PALM2AKAP2: variants seen among roughly 807,000 people sequenced by gnomAD.
PALM2AKAP2 encodes PALM2 and AKAP2 fusion, also known as PALM2-AKAP2 fusion protein.
A neutral mutation model predicts 71.5 loss-of-function variants in PALM2AKAP2; 37 were observed. The observed-to-expected ratio is 0.52, with a 90% confidence interval of 0.40 to 0.68. The LOEUF is 0.68. Among genes scored for constraint, PALM2AKAP2 ranks in the 30% least tolerant of loss-of-function variants. PALM2AKAP2 has a pLI of 0.00. For missense variants in PALM2AKAP2, 1,224 were observed against 1,191.8 expected (o/e 1.03, Z -0.40); for synonymous variants, 468 against 478.8 (o/e 0.98, Z 0.29).
intron 1 of PALM2AKAP2, among the ~76,000 whole-genome samples, chr9:109,818,678 T>G (rs185871230): frequency 5.6e-4 from 86 of 152,314 alleles, no homozygotes; most frequent in African/African-American, 2.0e-3. Context: ...CAGGCTGAAC[T>G]CAAACTCCTG....
chr9:110,167,026 C>A (rs572605967), intron 3 of PALM2AKAP2, among the ~76,000 whole-genome samples: 1 of 152,214 alleles, frequency 6.6e-6, no homozygotes, highest in Non-Finnish European at 1.5e-5. Flanking sequence ...AAAGGCACGT[C>A]TTACATGGCA....
chr9:110,044,112 T>C (rs1209259197), upstream of PALM2AKAP2, among the ~76,000 whole-genome samples: 1 of 150,770 alleles, frequency 6.6e-6, no homozygotes, highest in African/African-American at 2.5e-5. Context: ...AGTAACTCAT[T>C]GTCATATATG....
intron 6 of PALM2AKAP2, among the ~76,000 whole-genome samples, chr9:110,009,131 C>T (rs1230614103): frequency 1.3e-5 from 2 of 152,170 alleles, no homozygotes; most frequent in Non-Finnish European, 2.9e-5. Flanking sequence ...CATTCGGGTC[C>T]ATTCAGACTT....
intron 1 of PALM2AKAP2, among the ~76,000 whole-genome samples, chr9:109,844,961 A>ATGTGTGTGTGTGTGTG (rs1554720024): frequency 2.0e-5 from 2 of 100,390 alleles, no homozygotes; most frequent in East Asian, 4.8e-4. Flanking sequence ...GTGTGTGTGC[A>ATGTGTGTGTGTGTGTG]TGTGCACACA....
chr9:109,779,691 C>G (rs1334059713), upstream of PALM2AKAP2, among the ~76,000 whole-genome samples: 1 of 152,216 alleles, frequency 6.6e-6, no homozygotes, highest in African/African-American at 2.4e-5. Context: ...TGGAGATATA[C>G]CCTACCCTCG....
At chr9:109,904,517 A>G (rs1830401422) in intron 3 of PALM2AKAP2, among the ~76,000 whole-genome samples, 1 of 152,214 alleles carries the variant, frequency 6.6e-6, no homozygotes, top group African/African-American at 2.4e-5. Context: ...GAGACGTCTC[A>G]TACCGAGATG....
intron 6 of PALM2AKAP2, among the ~76,000 whole-genome samples, chr9:109,939,056 T>C (rs1210341182): frequency 6.6e-6 from 1 of 151,876 alleles, no homozygotes; most frequent in African/African-American, 2.4e-5. Context: ...AAAAAATAAA[T>C]AAAAGGGACC....
At chr9:109,752,357 C>G (rs1050805784) in intron 1 of PALM2AKAP2, among the ~76,000 whole-genome samples, 1 of 152,108 alleles carries the variant, frequency 6.6e-6, no homozygotes, top group Non-Finnish European at 1.5e-5. Flanking sequence ...GGGAATCTTG[C>G]TATACTGGTG....
intron 1 of PALM2AKAP2, among the ~76,000 whole-genome samples, chr9:110,055,140 A>G (rs1422795338): frequency 1.3e-5 from 2 of 151,366 alleles, no homozygotes; most frequent in Admixed American, 6.6e-5. Context: ...AATGGACCGC[A>G]ATTTTCAGAA....
At chr9:109,970,663 C>T (rs892862307) in intron 6 of PALM2AKAP2, among the ~76,000 whole-genome samples, 6 of 152,206 alleles carry the variant, frequency 3.9e-5, no homozygotes, top group Non-Finnish European at 8.8e-5. Flanking sequence ...TGCCTTGACC[C>T]AGGATGAGTT....
chr9:109,930,688 G>T (rs1359556032), intron 5 of PALM2AKAP2, among the ~76,000 whole-genome samples: 2 of 152,216 alleles, frequency 1.3e-5, no homozygotes, highest in African/African-American at 4.8e-5. Flanking sequence ...ATCCTCTTCA[G>T]CAAGAAATGA....
At chr9:109,742,404 G>C (rs992874195) in intron 1 of PALM2AKAP2, among the ~76,000 whole-genome samples, 1 of 152,156 alleles carries the variant, frequency 6.6e-6, no homozygotes, top group Non-Finnish European at 1.5e-5. Context: ...GTGAGAGCCT[G>C]GAACTATGAG....
chr9:110,093,527 G>T (rs188432189), intron 1 of PALM2AKAP2, among the ~76,000 whole-genome samples: 1 of 152,190 alleles, frequency 6.6e-6, no homozygotes, highest in South Asian at 2.1e-4. Flanking sequence ...TATTGTCTTG[G>T]ATAGAAATGC....
chr9:109,764,042 G>A (rs1829104638), intron 1 of PALM2AKAP2, among the ~76,000 whole-genome samples: 1 of 152,110 alleles, frequency 6.6e-6, no homozygotes, highest in Non-Finnish European at 1.5e-5. Flanking sequence ...CTTTTGGACA[G>A]CCACTATTCA....
At chr9:109,848,723 C>A (rs575739455) in intron 1 of PALM2AKAP2, among the ~76,000 whole-genome samples, 28 of 150,562 alleles carry the variant, frequency 1.9e-4, no homozygotes, top group Admixed American at 1.7e-3. Context: ...AGAAGGATCG[C>A]TTGAGCCCAG....
intron 1 of PALM2AKAP2, among the ~76,000 whole-genome samples, chr9:110,119,387 C>G (rs1835437520): frequency 6.6e-6 from 1 of 151,164 alleles, no homozygotes; most frequent in South Asian, 2.1e-4. Flanking sequence ...TAACAGTTCC[C>G]TATTAATTTA....
At chr9:109,865,892 A>T (rs1431832462) in intron 1 of PALM2AKAP2, among the ~76,000 whole-genome samples, 1 of 152,192 alleles carries the variant, frequency 6.6e-6, no homozygotes, top group Non-Finnish European at 1.5e-5. Context: ...GAGATGGTGG[A>T]TGTGGGCTGT....
intron 1 of PALM2AKAP2, among the ~76,000 whole-genome samples, chr9:109,772,566 T>C (rs1000694590): frequency 7.2e-5 from 11 of 152,216 alleles, no homozygotes; most frequent in African/African-American, 1.9e-4. Flanking sequence ...ACTGCTACAC[T>C]CTTTTCTGCG....
In PALM2AKAP2 at chr9:109,693,326, T is replaced by C. The variant is rs138222644; in HGVS notation, c.5+52460T>C. 1.2e-3 allele frequency among the ~76,000 whole-genome samples: 178 copies of C among 152,094 alleles called. 1 individual carries two copies. The highest frequency in any genetic ancestry group is 4.0e-3 in the African/African-American group (167 of 41,572). On this transcript the variant is annotated intron_variant, in intron 1 of 6. Transcript: ENST00000374531. ...CTCTGAGCAGTTTTCTTTCTTTCAC[T>C]GCTAATATTGGTAATTTGTCTGCTC... is the stretch of plus-strand genomic sequence containing the variant.
Sources: allele counts gnomAD v4.1 joint callset (sites outside exome capture counted in the v4.1 genomes callset), GRCh38; gene constraint gnomAD v4.1.1; transcripts MANE v1.5; gene names NCBI Gene and HGNC (gene_info 2026-07-23, HGNC 2026-07-21).